Variants in FHIT observed in about 807,000 individuals in gnomAD.
The protein encoded by FHIT is fragile histidine triad diadenosine triphosphatase, also known as bis(5'-adenosyl)-triphosphatase.
FHIT carries 19 observed loss-of-function variants against 17.9 expected under a neutral mutation model. The ratio of observed to expected loss-of-function variants is 1.06; its 90% CI spans 0.74 to 1.56. FHIT has a LOEUF of 1.56. FHIT is among the 40% of genes most tolerant of loss of function. The pLI, the probability that FHIT is intolerant of heterozygous loss-of-function variation, is 0.00. For missense variants in FHIT, 248 were observed against 189.2 expected, an observed-to-expected ratio of 1.31 and a Z score of -1.82; for synonymous variants, 81 against 69.7, an observed-to-expected ratio of 1.16 and a Z score of -0.81.
intron 8 of FHIT, among the ~76,000 whole-genome samples, chr3:59,875,046 G>T (rs1703090375): frequency 6.6e-6 from 1 of 152,164 alleles, no homozygotes; most frequent in Admixed American, 6.5e-5. Flanking sequence ...TCCTTCCCAG[G>T]TGTATCTTTT....
At chr3:59,759,355 A>G (rs549267091) in intron 8 of FHIT, among the ~76,000 whole-genome samples, 2 of 152,272 alleles carry the variant, frequency 1.3e-5, no homozygotes, top group African/African-American at 4.8e-5. Flanking sequence ...TTAAAGGGAG[A>G]AAGTGATGGC....
chr3:61,185,373 G>T (rs1010093439), intron 2 of FHIT, among the ~76,000 whole-genome samples: 1 of 152,164 alleles, frequency 6.6e-6, no homozygotes, highest in African/African-American at 2.4e-5. Flanking sequence ...TAGTCAATGA[G>T]CTTCATTCAG....
chr3:59,964,632 T>A (rs1707837862), intron 7 of FHIT, among the ~76,000 whole-genome samples: 2 of 152,066 alleles, frequency 1.3e-5, no homozygotes, highest in Admixed American at 6.6e-5. Flanking sequence ...AATAGACAAA[T>A]AGTGGTGCTC....
At chr3:59,857,276 T>A (rs542282398) in intron 8 of FHIT, among the ~76,000 whole-genome samples, 2 of 152,264 alleles carry the variant, frequency 1.3e-5, no homozygotes, top group South Asian at 4.1e-4. Context: ...CATTTCTCCA[T>A]CTCTGCGTGA....
chr3:60,615,389 A>G (rs2038921331), intron 4 of FHIT, among the ~76,000 whole-genome samples: 1 of 152,222 alleles, frequency 6.6e-6, no homozygotes, highest in Non-Finnish European at 1.5e-5. Context: ...GGCTGAATGT[A>G]CCAACTCTTC....
At chr3:60,251,812 C>G (rs1705726405) in intron 5 of FHIT, among the ~76,000 whole-genome samples, 1 of 152,150 alleles carries the variant, frequency 6.6e-6, no homozygotes, top group Non-Finnish European at 1.5e-5. Context: ...AGTCAAAGCC[C>G]TGCTGTGAAC....
At chr3:60,677,162 C>A (rs1461596770) in intron 4 of FHIT, among the ~76,000 whole-genome samples, 4 of 152,146 alleles carry the variant, frequency 2.6e-5, no homozygotes, top group Non-Finnish European at 5.9e-5. Flanking sequence ...CAGGCATGAG[C>A]CACTGTGCCC....
chr3:61,066,982 T>C (rs1325433283), intron 2 of FHIT, among the ~76,000 whole-genome samples: 1 of 152,224 alleles, frequency 6.6e-6, no homozygotes, highest in East Asian at 1.9e-4. Flanking sequence ...GCATTGCCTG[T>C]AGTGCTGTTA....
intron 5 of FHIT, among the ~76,000 whole-genome samples, chr3:60,115,269 A>G (rs1008683146): frequency 2.6e-5 from 4 of 152,180 alleles, no homozygotes; most frequent in African/African-American, 9.6e-5. Context: ...AAAAAGTATT[A>G]AAGACGAAGA....
chr3:60,743,913 C>A (rs1314790712), intron 4 of FHIT, among the ~76,000 whole-genome samples: 1 of 152,174 alleles, frequency 6.6e-6, no homozygotes, highest in Non-Finnish European at 1.5e-5. Context: ...GAGGAGAATT[C>A]TGATTCCAAC....
At chr3:59,865,545 G>C (rs1176384586) in intron 8 of FHIT, among the ~76,000 whole-genome samples, 1 of 152,206 alleles carries the variant, frequency 6.6e-6, no homozygotes, top group Non-Finnish European at 1.5e-5. Flanking sequence ...CCAGGGCCTG[G>C]GATATAACGA....
At chr3:61,069,208 T>C (rs978631959) in intron 2 of FHIT, among the ~76,000 whole-genome samples, 9 of 152,156 alleles carry the variant, frequency 5.9e-5, no homozygotes, top group Non-Finnish European at 8.8e-5. Flanking sequence ...TCGTGGCACA[T>C]ATAATGGAAT....
intron 8 of FHIT, among the ~76,000 whole-genome samples, chr3:59,855,598 C>T (rs1302299110): frequency 1.3e-5 from 2 of 151,884 alleles, no homozygotes; most frequent in Non-Finnish European, 2.9e-5. Context: ...TAGAAGATAG[C>T]CTCAATGTTA....
At position 61,022,893 on chromosome 3, in the gene FHIT, A is replaced by G. The variant is rs544315492; in HGVS notation, c.-111+19154T>C. Among the ~76,000 whole-genome samples the G allele has an allele frequency of 2.7e-3, 414 of 152,300 alleles. 3 individuals are homozygous for G. The highest frequency in any genetic ancestry group is 9.6e-3 in the African/African-American group (399 of 41,562). On this transcript the variant is annotated intron_variant, in intron 3 of 9. Coordinates refer to ENST00000492590, the MANE Select transcript of FHIT (RefSeq NM_002012.4). ...ACAAACCTACAGCCAATATCCCACCAAATGAGCAAAAGCTGGAAGCATTCC... is the reference window on the plus strand; with the variant it reads ...ACAAACCTACAGCCAATATCCCACCGAATGAGCAAAAGCTGGAAGCATTCC...
At chr3:60,363,608 G>A (rs1699991189) in intron 5 of FHIT, among the ~76,000 whole-genome samples, 1 of 152,120 alleles carries the variant, frequency 6.6e-6, no homozygotes. Context: ...ATAAGTGGTA[G>A]CTAGAACTTG....
chr3:60,449,282 T>G (rs913466618), intron 5 of FHIT, among the ~76,000 whole-genome samples: 9 of 152,172 alleles, frequency 5.9e-5, no homozygotes, highest in African/African-American at 2.2e-4. Flanking sequence ...TAGCCTTTTG[T>G]GCCGAAAAGC....
chr3:60,969,811 T>A (rs1709918800), intron 3 of FHIT, among the ~76,000 whole-genome samples: 1 of 152,202 alleles, frequency 6.6e-6, no homozygotes, highest in African/African-American at 2.4e-5. Flanking sequence ...GTTCTATACA[T>A]AAGATTAAGT....
At chr3:61,182,611 C>A (rs2038375628) in intron 2 of FHIT, among the ~76,000 whole-genome samples, 1 of 152,154 alleles carries the variant, frequency 6.6e-6, no homozygotes, top group South Asian at 2.1e-4. Context: ...GGTTTAAATT[C>A]ATACTAGAGA....
chr3:60,961,786 A>T (rs1298453178), intron 3 of FHIT, among the ~76,000 whole-genome samples: 2 of 152,104 alleles, frequency 1.3e-5, no homozygotes, highest in African/African-American at 2.4e-5. Context: ...CCATTGGCCT[A>T]TCTCTCTGTT....
Sources: allele counts gnomAD v4.1 joint callset (sites outside exome capture counted in the v4.1 genomes callset), GRCh38; gene constraint gnomAD v4.1.1; transcripts MANE v1.5; gene names NCBI Gene and HGNC (gene_info 2026-07-23, HGNC 2026-07-21).